The following NDFIP2 variants were observed in gnomAD, a reference collection of about 807,000 sequenced individuals.
The protein encoded by NDFIP2 is Nedd4 family interacting protein 2, also known as NEDD4 family-interacting protein 2.
In NDFIP2, 19 loss-of-function variants were observed where a neutral mutation model predicts 36.0. The observed-to-expected ratio is 0.53, with a 90% confidence interval of 0.37 to 0.77. NDFIP2 has a LOEUF of 0.77. NDFIP2 is among the 30% of genes least tolerant of loss of function. The pLI is 0.00. For synonymous variants in NDFIP2, 181 were observed against 167.7 expected, an observed-to-expected ratio of 1.08 and a Z score of -0.61; for missense variants, 446 against 435.8, an observed-to-expected ratio of 1.02 and a Z score of -0.21.
chr13:79,545,090 A>T (rs1177848552), intron 5 of NDFIP2, among the ~76,000 whole-genome samples: 1 of 152,172 alleles, frequency 6.6e-6, no homozygotes, highest in Non-Finnish European at 1.5e-5. Flanking sequence ...AAAACCTCAA[A>T]GTTGGGCCTA....
At chr13:79,527,964 GT>G (rs1874864519) in intron 2 of NDFIP2, among the ~76,000 whole-genome samples, 1 of 152,086 alleles carries the variant, frequency 6.6e-6, no homozygotes, top group Non-Finnish European at 1.5e-5. Context: ...TTGTGTTGCA[GT>G]TTTTAATAAA....
chr13:79,492,026 A>T (rs2140734652), intron 1 of NDFIP2, among the ~76,000 whole-genome samples: 1 of 152,312 alleles, frequency 6.6e-6, no homozygotes, highest in Non-Finnish European at 1.5e-5. Context: ...AAGTTCAGGA[A>T]TGTGCTGTGG....
chr13:79,497,499 T>G (rs531211497), intron 1 of NDFIP2, among the ~76,000 whole-genome samples: 1 of 152,062 alleles, frequency 6.6e-6, no homozygotes, highest in East Asian at 1.9e-4. Flanking sequence ...CATCCCTGCC[T>G]GTCTTTTTTA....
chr13:79,508,314 A>G (rs1157831445), intron 1 of NDFIP2, among the ~76,000 whole-genome samples: 5 of 152,216 alleles, frequency 3.3e-5, no homozygotes, highest in South Asian at 2.1e-4. Flanking sequence ...GTTACTGGAA[A>G]GGGGTCTGGA....
At chr13:79,536,782 G>T (rs976280586) in intron 3 of NDFIP2, among the ~76,000 whole-genome samples, 28 of 152,178 alleles carry the variant, frequency 1.8e-4, no homozygotes, top group African/African-American at 6.3e-4. Context: ...TCAGCACTTT[G>T]GGAGGCTGAG....
In NDFIP2 at chr13:79,554,902, T is replaced by C. The variant is rs1380086622; in HGVS notation, c.*2389T>C. ...AGCTAGTCATGGCTAGGATAATCCA[T>C]TTTCATGTATTTATGCAATAAACTG... On this transcript the variant is annotated 3_prime_UTR_variant, in exon 8 of 8. Transcript: ENST00000218652. 3 of 151,934 alleles carry C rather than the reference T, an allele frequency of 2.0e-5. No individual in the cohort carries two copies. The highest frequency in any genetic ancestry group is 1.3e-4 in the Admixed American group (2 of 15,240). The allele number at this position is 151,934 out of a possible 1,614,324, so 9.4% of individuals were successfully genotyped here.
chr13:79,517,711 T>C (rs1330219677), intron 1 of NDFIP2, among the ~76,000 whole-genome samples: 1 of 152,230 alleles, frequency 6.6e-6, no homozygotes, highest in Non-Finnish European at 1.5e-5. Flanking sequence ...GCATGTTTTA[T>C]AGGCTCCAAA....
chr13:79,539,315 A>G (rs1047990982), intron 3 of NDFIP2, among the ~76,000 whole-genome samples: 21 of 152,270 alleles, frequency 1.4e-4, no homozygotes, highest in African/African-American at 5.1e-4. Context: ...AATTATTGCA[A>G]AATTGCCAAC....
At chr13:79,501,468 A>G (rs1873664733) in intron 1 of NDFIP2, among the ~76,000 whole-genome samples, 1 of 152,008 alleles carries the variant, frequency 6.6e-6, no homozygotes, top group Non-Finnish European at 1.5e-5. Context: ...CTAAATCTCT[A>G]AGAAGTGAAG....
intron 1 of NDFIP2, among the ~76,000 whole-genome samples, chr13:79,492,982 C>T (rs941474279): frequency 2.6e-5 from 4 of 152,098 alleles, no homozygotes; most frequent in East Asian, 1.9e-4. Context: ...TTCCCTTTTA[C>T]CTCCCCATCT....
intron 2 of NDFIP2, among the ~76,000 whole-genome samples, chr13:79,526,685 G>A (rs1362188600): frequency 6.6e-6 from 1 of 152,096 alleles, no homozygotes; most frequent in African/African-American, 2.4e-5. Context: ...AGGTAGGAGA[G>A]GACTCTGAAA....
chr13:79,514,843 G>A (rs1410664278), intron 1 of NDFIP2, among the ~76,000 whole-genome samples: 2 of 152,016 alleles, frequency 1.3e-5, no homozygotes, highest in Non-Finnish European at 2.9e-5. Context: ...TTTTTAAAAA[G>A]ATACTCTTTC....
At chr13:79,483,213 C>G (rs1258880327) in intron 1 of NDFIP2, among the ~76,000 whole-genome samples, 1 of 152,082 alleles carries the variant, frequency 6.6e-6, no homozygotes, top group Admixed American at 6.5e-5. Context: ...GCCTACCAGT[C>G]CCTCTAAAGG....
chr13:79,488,449 G>A (rs1297627594), intron 1 of NDFIP2, among the ~76,000 whole-genome samples: 1 of 152,030 alleles, frequency 6.6e-6, no homozygotes, highest in Admixed American at 6.6e-5. Context: ...GGTAGCCTTT[G>A]CTTAGGCACA....
At chr13:79,522,130 C>G (rs1400173829) in intron 2 of NDFIP2, among the ~76,000 whole-genome samples, 1 of 152,112 alleles carries the variant, frequency 6.6e-6, no homozygotes, top group Non-Finnish European at 1.5e-5. Flanking sequence ...GCCTGGCCTA[C>G]TCCTTTTATT....
At chr13:79,551,365 A>C (rs1026027090) in intron 7 of NDFIP2, among the ~76,000 whole-genome samples, 3 of 151,546 alleles carry the variant, frequency 2.0e-5, no homozygotes, top group Non-Finnish European at 4.4e-5. Context: ...AGTGAACTGA[A>C]ATTTTGAATC....
chr13:79,531,499 C>G (rs1339991408), intron 2 of NDFIP2, among the ~76,000 whole-genome samples: 1 of 152,220 alleles, frequency 6.6e-6, no homozygotes, highest in Non-Finnish European at 1.5e-5. Flanking sequence ...GCTGTGTCAT[C>G]TACATTGAAA....
intron 7 of NDFIP2, 29 bp downstream of exon 7, chr13:79,551,151 C>T: frequency 7.1e-7 from 1 of 1,415,534 alleles, no homozygotes; most frequent in Non-Finnish European, 9.8e-7. Context: ...TGAACTCTGC[C>T]TATTCCCTTT....
chr13:79,500,472 T>C (rs1456084563), intron 1 of NDFIP2, among the ~76,000 whole-genome samples: 4 of 151,906 alleles, frequency 2.6e-5, no homozygotes, highest in Non-Finnish European at 4.4e-5. Context: ...ATCCAAAATA[T>C]ACAAAGAATT....
Sources: allele counts gnomAD v4.1 joint callset (sites outside exome capture counted in the v4.1 genomes callset), GRCh38; gene constraint gnomAD v4.1.1; transcripts MANE v1.5; gene names NCBI Gene and HGNC (gene_info 2026-07-23, HGNC 2026-07-21).